Variants in SH3BP2 observed in about 807,000 individuals in gnomAD.
SH3BP2 encodes the protein SH3 domain-binding protein 2.
A neutral mutation model predicts 56.2 loss-of-function variants in SH3BP2; 38 were observed. That is an observed-to-expected ratio of 0.68 (90% CI 0.52 to 0.89). SH3BP2 has a LOEUF of 0.89. Ranked by LOEUF, SH3BP2 falls within the 40% of genes least tolerant of loss-of-function variation. SH3BP2 has a pLI of 0.00. For synonymous variants in SH3BP2, 346 were observed against 316.7 expected, an observed-to-expected ratio of 1.09 and a Z score of -0.98; for missense variants, 748 against 762.6, an observed-to-expected ratio of 0.98 and a Z score of 0.23.
At chr4:2,832,702 GC>G (rs1322537731) in intron 11 of SH3BP2, among the ~76,000 whole-genome samples, 1 of 152,204 alleles carries the variant, frequency 6.6e-6, no homozygotes, top group East Asian at 1.9e-4. Context: ...CGCCAGGTCT[GC>G]CCGTGTCCCT....
At chr4:2,818,811 G>T in intron 1 of SH3BP2, 2 of 986,720 alleles carry the variant, frequency 2.0e-6, no homozygotes, top group Non-Finnish European at 2.4e-6. Flanking sequence ...AGCTGGTGGG[G>T]TCCAGCCGGG....
intron 3 of SH3BP2, chr4:2,823,710 C>T: frequency 5.7e-6 from 2 of 352,676 alleles, no homozygotes; most frequent in South Asian, 2.1e-5. Flanking sequence ...CACCCCACAG[C>T]ATTTATCTAT....
intron 1 of SH3BP2, among the ~76,000 whole-genome samples, chr4:2,815,147 T>C (rs989550702): frequency 1.4e-4 from 21 of 152,150 alleles, no homozygotes; most frequent in Non-Finnish European, 8.8e-5. Flanking sequence ...TGGCCCATCA[T>C]CACCCTCAGC....
chr4:2,840,281 C>T lies in SH3BP2; in HGVS notation c.*6447C>T, dbSNP rs1202202299. ...AAAACCACTGAAATTATTTCCACTC[C>T]AAGGTCATGAAGATAGTCTCTTAGA... On this transcript the variant is annotated 3_prime_UTR_variant, in exon 13 of 13. Coordinates refer to ENST00000503393, the MANE Select transcript of SH3BP2 (RefSeq NM_001122681.2). 1.3e-5 allele frequency: 2 copies of T among 150,756 alleles called. No individual in the cohort carries two copies. The highest frequency in any genetic ancestry group is 1.3e-4 in the Admixed American group (2 of 15,110). 9.3% of individuals were successfully genotyped at this position (150,756 alleles called of 1,614,324 possible).
At chr4:2,801,666 C>G (rs1723285636) in intron 1 of SH3BP2, among the ~76,000 whole-genome samples, 1 of 152,168 alleles carries the variant, frequency 6.6e-6, no homozygotes, top group Non-Finnish European at 1.5e-5. Flanking sequence ...AGGACAAGAC[C>G]CAGCCTAGAC....
chr4:2,802,567 T>C (rs1382000784), intron 1 of SH3BP2, among the ~76,000 whole-genome samples: 1 of 130,586 alleles, frequency 7.7e-6, no homozygotes, highest in Non-Finnish European at 1.6e-5. Context: ...TATATATGTA[T>C]ATATGTGTAT....
At chr4:2,828,858 A>G (rs562865195) in intron 7 of SH3BP2, among the ~76,000 whole-genome samples, 2 of 152,044 alleles carry the variant, frequency 1.3e-5, no homozygotes, top group East Asian at 1.9e-4. Context: ...CCCGTCCTCC[A>G]GGCGCCCCGT....
intron 5 of SH3BP2, chr4:2,826,664 C>G (rs1724663197): frequency 1.5e-5 from 5 of 339,984 alleles, no homozygotes; most frequent in South Asian, 1.1e-4. Flanking sequence ...CCACGTGTTG[C>G]TCTGTGTGTG....
intron 6 of SH3BP2, 23 bp downstream of exon 6, chr4:2,827,341 C>T (rs1327448864): frequency 6.2e-7 from 1 of 1,604,722 alleles, no homozygotes; most frequent in Non-Finnish European, 8.5e-7. Context: ...TCCGCATCCA[C>T]TGCCCGTTTG....
At chr4:2,819,766 C>G (rs1724200594) in intron 1 of SH3BP2, among the ~76,000 whole-genome samples, 1 of 152,002 alleles carries the variant, frequency 6.6e-6, no homozygotes, top group Non-Finnish European at 1.5e-5. Context: ...AGTAGAAGTT[C>G]TCTGCATGGG....
chr4:2,825,079 G>A (rs1467224098), intron 4 of SH3BP2, 47 bp from the exon 5 acceptor site: 2 of 1,510,044 alleles, frequency 1.3e-6, no homozygotes, highest in Admixed American at 3.9e-5. Context: ...GTGCGGTGGG[G>A]CCCACCCTGG....
intron 1 of SH3BP2, among the ~76,000 whole-genome samples, chr4:2,804,067 C>T (rs1301156930): frequency 6.6e-6 from 1 of 152,154 alleles, no homozygotes; most frequent in Non-Finnish European, 1.5e-5. Flanking sequence ...CTCACCATGA[C>T]TCCAGCCGAG....
intron 1 of SH3BP2, chr4:2,818,911 A>G: frequency 1.0e-6 from 1 of 985,132 alleles, no homozygotes; most frequent in Non-Finnish European, 1.2e-6. Flanking sequence ...TGCTAAAAGC[A>G]GAGAGTATTT....
At chr4:2,833,172 C>T in intron 12 of SH3BP2, 123 bp downstream of exon 12, 1 of 848,060 alleles carries the variant, frequency 1.2e-6, no homozygotes, top group South Asian at 1.4e-5. Context: ...GGATACCGCC[C>T]TCCCCTTCCC....
At chr4:2,812,746 G>T (rs1371105097) in intron 1 of SH3BP2, among the ~76,000 whole-genome samples, 1 of 147,054 alleles carries the variant, frequency 6.8e-6, no homozygotes, top group Non-Finnish European at 1.5e-5. Context: ...CCCATCACAT[G>T]CGGCCGACAG....
Position 2,829,681 on chromosome 4 carries a change from C to T in SH3BP2, c.775C>T (p.Leu259=). The part of the protein sequence containing the change: ...LAAEDSKRDP[L]CPRRAEPCPR... ...TGCTGAGGACTCCAAGAGGGACCCA[C>T]TGTGCCCGAGGCGGGCTGAGCCTTG... The change falls in exon 8 of 13, where the codon CTG becomes TTG. Residue 259 remains leucine, a synonymous_variant. Transcript: ENST00000503393. This position sits in a 1 kb window ranked among gnomAD's most constrained non-coding sequence, Gnocchi z 4.9. 1 of 1,613,228 alleles carries T rather than the reference C, an allele frequency of 6.2e-7. No individual in the cohort carries two copies. Among genetic ancestry groups the T allele is most frequent in the Non-Finnish European group, 8.5e-7 (1 of 1,179,916 alleles).
rs753427446 is a variant in SH3BP2, at chr4:2,831,993, C to T, written c.1406+15C>T. 2.5e-6 allele frequency: 4 copies of T among 1,612,162 alleles called. No homozygotes were observed. Among genetic ancestry groups the T allele is most frequent in the Non-Finnish European group, 8.5e-7 (1 of 1,179,438 alleles). On this transcript the variant is annotated intron_variant, in intron 10 of 12. Transcript: ENST00000503393. This position sits in a 1 kb window ranked among gnomAD's most constrained non-coding sequence, Gnocchi z 4.1. The stretch of plus-strand genomic sequence containing the variant: ...GAAGTGGAAAGGTCAGCACAAAGCC[C>T]TGTGTGTGCTGGGTCCTCCGCCATG...
In SH3BP2 at chr4:2,827,238, G is replaced by C. The variant is rs1466387931; in HGVS notation, c.437G>C (p.Ser146Thr). ...KDLPLDTSDSSSDTDSFYGAV... is the reference protein window; with the variant it reads ...KDLPLDTSDSTSDTDSFYGAV... The stretch of plus-strand genomic sequence containing the variant: ...CGCACCCTGCATTGCAGCGACTCCA[G>C]CTCGGACACAGACAGCTTCTACGGC... Residue 146 changes from serine to threonine, a missense_variant, in exon 6 of 13, where the codon AGC becomes ACC. Physicochemically the swap from Ser to Thr is moderately conservative, Grantham distance 58. Coordinates refer to ENST00000503393, the MANE Select transcript of SH3BP2 (RefSeq NM_001122681.2). The C allele has an allele frequency of 2.5e-6, 4 of 1,614,136 alleles. No homozygotes were observed. Among genetic ancestry groups the C allele is most frequent in the Admixed American group, 1.7e-5 (1 of 60,028 alleles).
chr4:2,832,502 C>T, intron 11 of SH3BP2, 90 bp downstream of exon 11: 1 of 961,984 alleles, frequency 1.0e-6, no homozygotes, highest in Non-Finnish European at 1.7e-6. Context: ...GTTCCTAAAC[C>T]ACTCCCCTTG....
Sources: allele counts gnomAD v4.1 joint callset (sites outside exome capture counted in the v4.1 genomes callset), GRCh38; gene constraint gnomAD v4.1.1; non-coding constraint Gnocchi (gnomAD v3.1); transcripts MANE v1.5; gene names NCBI Gene and HGNC (gene_info 2026-07-23, HGNC 2026-07-21).